The following AUTS2 variants were observed in gnomAD, a reference collection of about 807,000 sequenced individuals.
The protein encoded by AUTS2 is autism susceptibility gene 2 protein.
AUTS2 carries 17 observed loss-of-function variants against 112.4 expected under a neutral mutation model. That is an observed-to-expected ratio of 0.15 (90% CI 0.10 to 0.23). The LOEUF is 0.23. Ranked by LOEUF, AUTS2 falls within the 10% of genes least tolerant of loss-of-function variation. The pLI, the probability that AUTS2 is intolerant of heterozygous loss-of-function variation, is 1.00. For synonymous variants in AUTS2, 751 were observed against 702.7 expected (o/e 1.07, Z -1.09); for missense variants, 1,510 against 1,701.6 (o/e 0.89, Z 1.98).
chr7:69,722,442 T>G (rs1387224392), intron 1 of AUTS2, among the ~76,000 whole-genome samples: 1 of 150,424 alleles, frequency 6.6e-6, no homozygotes, highest in African/African-American at 2.4e-5. Context: ...AGTGGAGCCA[T>G]GTGAGCTCAC....
chr7:70,728,444 C>T (rs1429952131), intron 6 of AUTS2, among the ~76,000 whole-genome samples: 3 of 152,000 alleles, frequency 2.0e-5, no homozygotes, highest in African/African-American at 7.2e-5. Flanking sequence ...GGTGGTGGCT[C>T]ATGCCTGTAA....
intron 4 of AUTS2, among the ~76,000 whole-genome samples, chr7:70,241,679 T>A (rs762014339): frequency 3.3e-5 from 5 of 152,294 alleles, no homozygotes; most frequent in East Asian, 1.9e-4. Context: ...AAATGCAGTA[T>A]GAACAAACTC....
At chr7:69,866,075 T>G (rs541251340) in intron 1 of AUTS2, among the ~76,000 whole-genome samples, 22 of 152,180 alleles carry the variant, frequency 1.4e-4, no homozygotes, top group Non-Finnish European at 2.6e-4. Context: ...GTCCAGATCT[T>G]CCTTACACAT....
intron 2 of AUTS2, among the ~76,000 whole-genome samples, chr7:69,956,167 T>A (rs1403906294): frequency 6.6e-6 from 1 of 152,064 alleles, no homozygotes; most frequent in African/African-American, 2.4e-5. Flanking sequence ...ACCTGGCATT[T>A]TGACCACACT....
At chr7:70,305,617 A>G (rs1358967250) in intron 4 of AUTS2, among the ~76,000 whole-genome samples, 1 of 152,226 alleles carries the variant, frequency 6.6e-6, no homozygotes, top group Admixed American at 6.5e-5. Context: ...TAATTAAAAT[A>G]TCTGTTAAAA....
At chr7:70,495,880 ATG>A (rs1433869500) in intron 5 of AUTS2, among the ~76,000 whole-genome samples, 2 of 135,716 alleles carry the variant, frequency 1.5e-5, no homozygotes, top group African/African-American at 5.9e-5. Context: ...ACACATGCAC[ATG>A]TCACATCAGC....
At chr7:69,841,942 C>T (rs913166384) in intron 1 of AUTS2, among the ~76,000 whole-genome samples, 10 of 152,294 alleles carry the variant, frequency 6.6e-5, no homozygotes, top group Admixed American at 5.9e-4. Flanking sequence ...TTCACTTTCA[C>T]ATGGTTCCAT....
chr7:69,795,018 C>T (rs1789779244), intron 1 of AUTS2, among the ~76,000 whole-genome samples: 1 of 152,086 alleles, frequency 6.6e-6, no homozygotes, highest in Non-Finnish European at 1.5e-5. Flanking sequence ...AGTGGCTCTT[C>T]TACTTTTTAA....
Position 69,726,238 on chromosome 7 carries a change from C to T in AUTS2, c.309+126276C>T, listed in dbSNP as rs866301043. ...CCCATATGTAACCACTGTTCTGATTCGTGTTAACATAGTTTAGTTTTGCCT... is the reference window on the plus strand; with the variant it reads ...CCCATATGTAACCACTGTTCTGATTTGTGTTAACATAGTTTAGTTTTGCCT... On this transcript the variant is annotated intron_variant, in intron 1 of 18. Coordinates refer to ENST00000342771, the MANE Select transcript of AUTS2 (RefSeq NM_015570.4). Among the ~76,000 whole-genome samples, 7 of 152,144 alleles carry T rather than the reference C, an allele frequency of 4.6e-5. 1 individual carries two copies. Among genetic ancestry groups the T allele is most frequent in the Middle Eastern group, 6.8e-3 (2 of 294 alleles).
chr7:70,586,545 T>C (rs1802698521), intron 5 of AUTS2, among the ~76,000 whole-genome samples: 1 of 152,166 alleles, frequency 6.6e-6, no homozygotes, highest in East Asian at 1.9e-4. Context: ...AATGATGCGA[T>C]TGGGAGCATG....
intron 2 of AUTS2, among the ~76,000 whole-genome samples, chr7:69,973,725 G>A (rs1343481624): frequency 1.3e-5 from 2 of 152,072 alleles, no homozygotes; most frequent in Non-Finnish European, 2.9e-5. Context: ...TATTAATACG[G>A]TAGAGTACAT....
At chr7:70,100,665 A>T (rs1045264930) in intron 2 of AUTS2, among the ~76,000 whole-genome samples, 2 of 148,634 alleles carry the variant, frequency 1.3e-5, no homozygotes, top group African/African-American at 5.0e-5. Context: ...TCTTTTGTTC[A>T]AGAGTATCAA....
intron 4 of AUTS2, among the ~76,000 whole-genome samples, chr7:70,424,449 C>T (rs575754035): frequency 2.6e-5 from 4 of 152,288 alleles, no homozygotes; most frequent in South Asian, 4.2e-4. Flanking sequence ...CTTTGAAGGA[C>T]ATAACTGGGT....
At chr7:69,785,720 A>G (rs562295516) in intron 1 of AUTS2, among the ~76,000 whole-genome samples, 1 of 152,302 alleles carries the variant, frequency 6.6e-6, no homozygotes, top group South Asian at 2.1e-4. Context: ...GGACAGCATT[A>G]TATGAGCCAT....
At chr7:70,640,848 T>G (rs1021118491) in intron 5 of AUTS2, among the ~76,000 whole-genome samples, 3 of 152,302 alleles carry the variant, frequency 2.0e-5, no homozygotes, top group South Asian at 4.1e-4. Flanking sequence ...CAGCTTTCCG[T>G]TGCTAGAGCC....
At chr7:70,578,778 G>T (rs1274649260) in intron 5 of AUTS2, among the ~76,000 whole-genome samples, 1 of 151,854 alleles carries the variant, frequency 6.6e-6, no homozygotes, top group African/African-American at 2.4e-5. Context: ...AGACTGTTTT[G>T]GTAAGACATA....
intron 5 of AUTS2, among the ~76,000 whole-genome samples, chr7:70,524,108 T>C (rs1441389386): frequency 1.3e-5 from 2 of 152,252 alleles, no homozygotes; most frequent in Non-Finnish European, 2.9e-5. Flanking sequence ...TGAGTCATTC[T>C]TTCTGACCAT....
intron 4 of AUTS2, among the ~76,000 whole-genome samples, chr7:70,253,023 C>T (rs1786681496): frequency 6.6e-6 from 1 of 152,146 alleles, no homozygotes; most frequent in South Asian, 2.1e-4. Flanking sequence ...CGTGATGTTT[C>T]TTTTTCATTT....
At chr7:69,629,871 G>C (rs1389008292) in intron 1 of AUTS2, among the ~76,000 whole-genome samples, 2 of 152,064 alleles carry the variant, frequency 1.3e-5, no homozygotes, top group Non-Finnish European at 2.9e-5. Context: ...AATGGTATGA[G>C]AAAGGGAACA....
Sources: allele counts gnomAD v4.1 joint callset (sites outside exome capture counted in the v4.1 genomes callset), GRCh38; gene constraint gnomAD v4.1.1; transcripts MANE v1.5; gene names NCBI Gene and HGNC (gene_info 2026-07-23, HGNC 2026-07-21).